DARS1: variants seen among roughly 807,000 people sequenced by gnomAD.
DARS1 encodes aspartate--tRNA ligase, cytoplasmic.
Under a neutral mutation model 68.8 loss-of-function variants are expected in DARS1, and 51 were observed. The ratio of observed to expected loss-of-function variants is 0.74; its 90% CI spans 0.59 to 0.94. DARS1 has a LOEUF of 0.94. DARS1 is among the 40% of genes least tolerant of loss of function. DARS1 has a pLI of 0.00. For missense variants in DARS1, 607 were observed against 597.3 expected (o/e 1.02, Z -0.17); for synonymous variants, 203 against 190.4 (o/e 1.07, Z -0.55).
intron 10 of DARS1, among the ~76,000 whole-genome samples, chr2:135,919,441 A>C (rs1222200029): frequency 6.6e-6 from 1 of 152,228 alleles, no homozygotes; most frequent in Non-Finnish European, 1.5e-5. Context: ...ATCAACAAGG[A>C]ATAGTTGAAT....
intron 3 of DARS1, among the ~76,000 whole-genome samples, chr2:135,968,088 C>T (rs944458804): frequency 2.0e-5 from 3 of 151,936 alleles, no homozygotes; most frequent in Non-Finnish European, 4.4e-5. Flanking sequence ...GGTGAAACCC[C>T]GACTCTACTA....
intron 3 of DARS1, among the ~76,000 whole-genome samples, chr2:135,964,351 A>AT (rs1165630098): frequency 1.3e-5 from 2 of 152,178 alleles, no homozygotes; most frequent in African/African-American, 4.8e-5. Context: ...CAGAATAAAA[A>AT]TTTTTTAAGA....
intron 1 of DARS1, 87 bp downstream of exon 1, chr2:135,985,316 G>T: frequency 1.3e-6 from 2 of 1,524,590 alleles, no homozygotes; most frequent in Non-Finnish European, 1.8e-6. Context: ...ACAAGGACCT[G>T]TAGGGCCCCA....
At chr2:135,932,175 G>C (rs898564946) in intron 7 of DARS1, among the ~76,000 whole-genome samples, 13 of 152,150 alleles carry the variant, frequency 8.5e-5, no homozygotes, top group Admixed American at 5.9e-4. Context: ...ATTTGAGCTT[G>C]AGTAGAATAT....
intron 5 of DARS1, among the ~76,000 whole-genome samples, chr2:135,936,196 G>A (rs1681469400): frequency 6.6e-6 from 1 of 152,156 alleles, no homozygotes; most frequent in African/African-American, 2.4e-5. Flanking sequence ...ACTTATATAA[G>A]ATTCTACTTA....
intron 1 of DARS1, chr2:135,985,044 G>A (rs1197111077): frequency 6.4e-6 from 2 of 311,764 alleles, no homozygotes; most frequent in African/African-American, 4.1e-5. Flanking sequence ...TCGATTACTA[G>A]TGCTTATTAA....
At chr2:135,978,142 C>CAAAAAAAAAAAAAAAAAAAAAAAA (rs59505882) in intron 3 of DARS1, among the ~76,000 whole-genome samples, 1 of 54,736 alleles carries the variant, frequency 1.8e-5, no homozygotes, top group African/African-American at 7.2e-5. Context: ...GACTCTGTCT[C>CAAAAAAAAAAAAAAAAAAAAAAAA]AAAAAAAAAA....
intron 4 of DARS1, among the ~76,000 whole-genome samples, chr2:135,951,463 TCATGTTTTATC>T (rs1681837231): frequency 6.6e-6 from 1 of 152,268 alleles, no homozygotes; most frequent in Non-Finnish European, 1.5e-5. Flanking sequence ...CAGATAAGAT[TCATGTTTTATC>T]CATTCACTAG....
At chr2:135,921,271 T>TA (rs1465012944) in intron 9 of DARS1, among the ~76,000 whole-genome samples, 1 of 151,600 alleles carries the variant, frequency 6.6e-6, no homozygotes. Flanking sequence ...TAGTAAGACA[T>TA]AAAATGACCA....
chr2:135,942,961 T>C (rs1218908458), intron 5 of DARS1, among the ~76,000 whole-genome samples: 6 of 152,222 alleles, frequency 3.9e-5, no homozygotes, highest in African/African-American at 1.4e-4. Context: ...GTGGAATATT[T>C]AGCAGATGTG....
Position 135,931,274 on chromosome 2 carries a change from T to C in DARS1, c.564+1509A>G, listed in dbSNP as rs528931702. ...TTTGTTGAGACAGGATCTTGCTCTG[T>C]TGCCCAGACTGGAGTGCAGTGGTAC... On this transcript the variant is annotated intron_variant, in intron 7 of 15. Transcript: ENST00000264161. Among the ~76,000 whole-genome samples, 14 of 152,350 alleles carry C rather than the reference T, an allele frequency of 9.2e-5. No individual in the cohort carries two copies. In the South Asian group the frequency reaches 2.9e-3, roughly 32 times the overall value.
At chr2:135,940,856 T>C (rs1681579734) in intron 5 of DARS1, among the ~76,000 whole-genome samples, 1 of 152,146 alleles carries the variant, frequency 6.6e-6, no homozygotes, top group Non-Finnish European at 1.5e-5. Context: ...AGCCTTCCTA[T>C]ACACCAATAA....
chr2:135,947,235 G>T (rs1323943223), intron 4 of DARS1, among the ~76,000 whole-genome samples: 1 of 151,986 alleles, frequency 6.6e-6, no homozygotes, highest in East Asian at 1.9e-4. Context: ...GTGAAACCCA[G>T]TCTCTACTAA....
intron 1 of DARS1, among the ~76,000 whole-genome samples, chr2:135,984,125 C>G (rs1381639125): frequency 6.6e-6 from 1 of 152,164 alleles, no homozygotes; most frequent in Non-Finnish European, 1.5e-5. Context: ...AGGGTCCAAT[C>G]TGTTAACAAA....
At position 135,907,238 on chromosome 2, in the gene DARS1, C is replaced by CTTTTTTTTTTTT. The variant is rs869183598; in HGVS notation, c.*77_*78insAAAAAAAAAAAA. On this transcript the variant is annotated 3_prime_UTR_variant, in exon 16 of 16. Transcript: ENST00000264161. ...AGGTTACTGAAAAGAATAAGTGTGGCTTTCTTTTTTTTTTTTTTTTTTTGA... is the reference window on the plus strand; with the variant it reads ...AGGTTACTGAAAAGAATAAGTGTGGCTTTTTTTTTTTTTTTCTTTTTTTTTTTTTTTTTTTGA... 3.2e-4 allele frequency: 231 copies of CTTTTTTTTTTTT among 725,240 alleles called. 9 individuals are homozygous for CTTTTTTTTTTTT. Among genetic ancestry groups the CTTTTTTTTTTTT allele is most frequent in the Middle Eastern group, 1.7e-3 (4 of 2,310 alleles). 44.9% of individuals were successfully genotyped at this position (725,240 alleles called of 1,614,324 possible).
rs181377990 is a variant in DARS1 at position 135,983,382 on chromosome 2, C to A, written c.124+15G>T. The stretch of plus-strand genomic sequence containing the variant: ...AAAGCAAAAAAGCTTTATTTACTGT[C>A]ACATAGCTACTAACCTGGTTTTTCT... On this transcript the variant is annotated intron_variant, in intron 2 of 15. Coordinates refer to ENST00000264161, the MANE Select transcript of DARS1 (RefSeq NM_001349.4). 311 of 940,454 alleles carry A rather than the reference C, an allele frequency of 3.3e-4. No homozygotes were observed. Among genetic ancestry groups the A allele is most frequent in the Admixed American group, 5.4e-4 (30 of 55,650 alleles). The allele number at this position is 940,454 out of a possible 1,614,324, so 58.3% of individuals were successfully genotyped here.
intron 4 of DARS1, among the ~76,000 whole-genome samples, chr2:135,952,741 G>A (rs974913426): frequency 6.6e-6 from 1 of 152,160 alleles, no homozygotes; most frequent in African/African-American, 2.4e-5. Context: ...ATTCCAGAGT[G>A]TATATATCCC....
intron 4 of DARS1, among the ~76,000 whole-genome samples, chr2:135,959,523 C>T: frequency 7.0e-6 from 1 of 142,012 alleles, no homozygotes. Flanking sequence ...CATTAGTGAA[C>T]TAAGTTCTGT....
intron 3 of DARS1, among the ~76,000 whole-genome samples, chr2:135,966,587 G>A (rs1199375728): frequency 6.6e-6 from 1 of 152,150 alleles, no homozygotes. Flanking sequence ...TGTCCAGGCT[G>A]GAGAGTAATG....
Sources: gnomAD v4.1 joint callset for allele counts (sites outside exome capture counted in the v4.1 genomes callset) on GRCh38, gnomAD v4.1.1 for gene constraint, MANE v1.5 for transcripts, NCBI Gene and HGNC (gene_info 2026-07-23, HGNC 2026-07-21) for gene names.